The following ASMTL variants were observed in gnomAD, a reference collection of about 807,000 sequenced individuals.
The protein encoded by ASMTL is acetylserotonin O-methyltransferase like.
Under a neutral mutation model 60.3 loss-of-function variants are expected in ASMTL, and 57 were observed. That is an observed-to-expected ratio of 0.95 (90% CI 0.76 to 1.18). ASMTL has a LOEUF of 1.18. ASMTL is among the 50% of genes most tolerant of loss of function. The pLI is 0.00. For missense variants in ASMTL, 981 were observed against 852.6 expected, an observed-to-expected ratio of 1.15 and a Z score of -1.88; for synonymous variants, 419 against 373.0, an observed-to-expected ratio of 1.12 and a Z score of -1.42.
At chrX:1,453,130 A>T (rs1371139208), upstream of ASMTL, among the ~76,000 whole-genome samples, 1 of 110,864 alleles carries the variant, frequency 9.0e-6, no homozygotes, top group Non-Finnish European at 1.9e-5. Context: ...CCCTGAGACC[A>T]CGCCCAGACC....
Position 1,403,335 on chromosome X carries a change from G to C in ASMTL, c.1800C>G (p.His600Gln). Reference protein sequence around the residue: ...YQCLLELHGFHQVQVVHLGGV... With the variant: ...YQCLLELHGFQQVQVVHLGGV... ...CCCCCAAGTGCACCACCTGCACCTG[G>C]TGGAAGCCGTGCAGCTCCAGCAAGC... The change falls in exon 13 of 13, where the codon CAC becomes CAG. Residue 600 changes from histidine (H) to glutamine (Q), a missense_variant. Coordinates refer to ENST00000381317, the MANE Select transcript of ASMTL (RefSeq NM_004192.4). 6.2e-7 allele frequency: 1 copy of C among 1,613,372 alleles called. No homozygotes were observed. The highest frequency in any genetic ancestry group is 2.2e-5 in the East Asian group (1 of 44,890).
intron 5 of ASMTL, 138 bp from the exon 6 acceptor site, chrX:1,432,515 A>T: frequency 1.4e-6 from 1 of 699,082 alleles, no homozygotes. Flanking sequence ...ATGGGAGAAT[A>T]AGGTTCATTT....
intron 9 of ASMTL, among the ~76,000 whole-genome samples, chrX:1,421,402 C>T (rs1359539506): frequency 6.6e-6 from 1 of 152,164 alleles, no homozygotes; most frequent in East Asian, 1.9e-4. Context: ...TGAGCATGGC[C>T]TTCAAACCTG....
chrX:1,439,083 C>G lies in ASMTL; in HGVS notation c.273+14G>C, dbSNP rs2091044294. On this transcript the variant is annotated intron_variant, in intron 3 of 12. Coordinates refer to ENST00000381317, the MANE Select transcript of ASMTL (RefSeq NM_004192.4). ...CATCGGACATTAGAAACGAGGCACC[C>G]TGGCCGCACTCACCACGATCGTGTC... The G allele has an allele frequency of 6.2e-7, 1 of 1,613,892 alleles. No homozygotes were observed. The highest frequency in any genetic ancestry group is 8.5e-7 in the Non-Finnish European group (1 of 1,179,770).
chrX:1,421,586 T>G, intron 9 of ASMTL, 72 bp downstream of exon 9: 14 of 1,524,228 alleles, frequency 9.2e-6, no homozygotes, highest in Non-Finnish European at 1.3e-5. Context: ...AGGTGCCTAC[T>G]GATCTGTGTG....
At chrX:1,429,438 T>A (rs1481660020) in intron 6 of ASMTL, among the ~76,000 whole-genome samples, 1 of 152,022 alleles carries the variant, frequency 6.6e-6, no homozygotes, top group African/African-American at 2.4e-5. Context: ...GATGAAGTGA[T>A]CCTCCCGTCT....
At chrX:1,416,798 ACATGCACACACAC>A (rs1462593476) in intron 11 of ASMTL, among the ~76,000 whole-genome samples, 2 of 149,578 alleles carry the variant, frequency 1.3e-5, no homozygotes, top group African/African-American at 2.5e-5. Flanking sequence ...CACAGCAGTG[ACATGCACACACAC>A]CATGCACACA....
At chrX:1,453,265 C>CA (rs756180013), upstream of ASMTL, among the ~76,000 whole-genome samples, 2 of 143,778 alleles carry the variant, frequency 1.4e-5, no homozygotes, top group Admixed American at 6.9e-5. Flanking sequence ...GCCACACCTC[C>CA]TTGCCCTCTC....
chrX:1,417,825 G>C, intron 11 of ASMTL, 148 bp downstream of exon 11: 1 of 962,832 alleles, frequency 1.0e-6, no homozygotes. Context: ...ACACACACAA[G>C]CACCGTAGAC....
rs867569207 is a variant in ASMTL, at chrX:1,432,697, T to C, written c.401-320A>G. ...ACAAAAAATTAGCCAGGCCTGGTAG[T>C]AGGTGCCTGTAGTCCCAGCTACTCG... is the stretch of plus-strand genomic sequence containing the variant. On this transcript the variant is annotated intron_variant, in intron 5 of 12. Coordinates refer to ENST00000381317, the MANE Select transcript of ASMTL (RefSeq NM_004192.4). 4.6e-3 allele frequency among the ~76,000 whole-genome samples: 378 copies of C among 81,564 alleles called. 4 individuals carry two copies. Among genetic ancestry groups the C allele is most frequent in the African/African-American group, 0.018 (362 of 20,152 alleles). 53.5% of individuals were successfully genotyped at this position (81,564 alleles called of 152,430 possible).
chrX:1,416,226 C>T (rs1396465959), intron 11 of ASMTL, among the ~76,000 whole-genome samples: 1 of 145,624 alleles, frequency 6.9e-6, no homozygotes, highest in Admixed American at 6.7e-5. Context: ...CACACAGACG[C>T]AGACATGCAC....
Position 1,418,518 on chromosome X carries a change from G to A in ASMTL, c.1379-402C>T, listed in dbSNP as rs781370546. Among the ~76,000 whole-genome samples the A allele has an allele frequency of 3.9e-5, 6 of 152,190 alleles. No individual in the cohort carries two copies. The East Asian group carries it at 9.7e-4, about 25-fold the overall frequency. ...CCTGCCATGGGGATGCAGACACGAT[G>A]GCTGGTGCTACAGCAGCCACTCTGG... On this transcript the variant is annotated intron_variant, in intron 10 of 12. Transcript: ENST00000381317.
intron 12 of ASMTL, among the ~76,000 whole-genome samples, chrX:1,404,130 ATGGT>A (rs1187054704): frequency 6.2e-4 from 93 of 150,402 alleles, no homozygotes; most frequent in Admixed American, 9.2e-4. Context: ...GATGAGATGG[ATGGT>A]TGGGTGAATA....
chrX:1,431,394 TTATA>T (rs1261084890), intron 6 of ASMTL, among the ~76,000 whole-genome samples: 1 of 136,230 alleles, frequency 7.3e-6, no homozygotes, highest in African/African-American at 2.6e-5. Flanking sequence ...TAACTACCTA[TTATA>T]TAATCTATTT....
intron 9 of ASMTL, among the ~76,000 whole-genome samples, chrX:1,420,681 G>A (rs1344547375): frequency 1.3e-5 from 2 of 152,242 alleles, no homozygotes; most frequent in African/African-American, 4.8e-5. Context: ...GGGGAAGGAG[G>A]GGCGAGAGGA....
chrX:1,426,663 G>A (rs2149312553), intron 7 of ASMTL, among the ~76,000 whole-genome samples: 1 of 152,306 alleles, frequency 6.6e-6, no homozygotes, highest in South Asian at 2.1e-4. Flanking sequence ...GACCATCCTG[G>A]CCAACATAGC....
intron 1 of ASMTL, among the ~76,000 whole-genome samples, chrX:1,445,013 G>C (rs1445583612): frequency 1.3e-5 from 2 of 151,860 alleles, no homozygotes; most frequent in South Asian, 2.1e-4. Context: ...CTCTCTCTCT[G>C]TCTTCCCTGC....
intron 5 of ASMTL, among the ~76,000 whole-genome samples, chrX:1,432,991 G>A (rs1335306090): frequency 9.2e-5 from 14 of 152,174 alleles, no homozygotes; most frequent in Non-Finnish European, 1.9e-4. Flanking sequence ...CCAGCTACTC[G>A]GGAGGCTGAG....
At chrX:1,410,705 C>A (rs2089978014) in intron 12 of ASMTL, among the ~76,000 whole-genome samples, 1 of 151,460 alleles carries the variant, frequency 6.6e-6, no homozygotes, top group Non-Finnish European at 1.5e-5. Flanking sequence ...AGCCACCGTG[C>A]CCGGTCTCAG....
Sources: allele counts gnomAD v4.1 joint callset (sites outside exome capture counted in the v4.1 genomes callset), GRCh38; gene constraint gnomAD v4.1.1; transcripts MANE v1.5; gene names NCBI Gene and HGNC (gene_info 2026-07-23, HGNC 2026-07-21).